Variants in CNTLN observed in about 807,000 individuals in gnomAD.
CNTLN encodes the protein centlein.
A neutral mutation model predicts 180.0 loss-of-function variants in CNTLN; 212 were observed. The observed-to-expected ratio is 1.18, with a 90% CI of 1.05 to 1.32. The LOEUF (loss-of-function observed/expected upper bound fraction) is 1.32, where lower values mean the gene tolerates loss of function less well. Among genes scored for constraint, CNTLN ranks in the 40% most tolerant of loss-of-function variants. The pLI is 0.00. For missense variants in CNTLN, 2,095 were observed against 1,610.9 expected, an observed-to-expected ratio of 1.30 and a Z score of -5.14; for synonymous variants, 722 against 563.1, an observed-to-expected ratio of 1.28 and a Z score of -3.99.
intron 18 of CNTLN, among the ~76,000 whole-genome samples, chr9:17,421,774 A>G (rs995848577): frequency 6.6e-6 from 1 of 152,128 alleles, no homozygotes; most frequent in Non-Finnish European, 1.5e-5. Context: ...TCTGCAAATA[A>G]TGCTTTGTAA....
the CNTLN span, among the ~76,000 whole-genome samples, chr9:17,526,215 G>A: frequency 1.3e-5 from 2 of 152,182 alleles, no homozygotes; most frequent in African/African-American, 2.4e-5. Flanking sequence ...GATTACAGGC[G>A]TGAGCCACCG....
chr9:17,152,199 C>A lies in CNTLN; in HGVS notation c.449+8823C>A, dbSNP rs577653951. 3.6e-4 allele frequency among the ~76,000 whole-genome samples: 55 copies of A among 152,092 alleles called. 1 individual carries two copies. Among genetic ancestry groups the A allele is most frequent in the Non-Finnish European group, 4.6e-4 (31 of 68,020 alleles). On this transcript the variant is annotated intron_variant, in intron 2 of 25. Transcript: ENST00000380647. ...GATCTTAGTTATTTCTTGTCTTCTG[C>A]TAGCTTTTGAATTTGTTTGCTGTTG...
At chr9:17,459,591 A>G (rs1320920216) in intron 19 of CNTLN, among the ~76,000 whole-genome samples, 1 of 151,884 alleles carries the variant, frequency 6.6e-6, no homozygotes, top group African/African-American at 2.4e-5. Context: ...CCGTAACAAA[A>G]TACCACAGAC....
At chr9:17,265,422 G>A (rs1376184321) in intron 5 of CNTLN, among the ~76,000 whole-genome samples, 1 of 152,128 alleles carries the variant, frequency 6.6e-6, no homozygotes, top group Non-Finnish European at 1.5e-5. Flanking sequence ...GCTTTTTGAT[G>A]TGCTGCTGGA....
chr9:17,176,116 T>C (rs115452285), intron 2 of CNTLN, among the ~76,000 whole-genome samples: 2,915 of 152,214 alleles, frequency 0.019, 61 homozygotes, highest in African/African-American at 0.05. Context: ...CCTTATTGTG[T>C]TGGCTATATT....
chr9:17,267,791 A>C (rs567885590), intron 5 of CNTLN, among the ~76,000 whole-genome samples: 3 of 151,906 alleles, frequency 2.0e-5, no homozygotes, highest in Non-Finnish European at 4.4e-5. Context: ...CATTCATTTC[A>C]TCTTCCATCA....
intron 5 of CNTLN, among the ~76,000 whole-genome samples, chr9:17,239,679 T>C (rs1293765417): frequency 6.6e-6 from 1 of 152,174 alleles, no homozygotes; most frequent in Non-Finnish European, 1.5e-5. Context: ...TGTCATGCTT[T>C]TGTATGTGTT....
intron 13 of CNTLN, among the ~76,000 whole-genome samples, chr9:17,384,566 T>C (rs1161418179): frequency 1.3e-5 from 2 of 152,164 alleles, no homozygotes; most frequent in Non-Finnish European, 2.9e-5. Flanking sequence ...ACAGGATTTA[T>C]TTCTTGCCAT....
intron 5 of CNTLN, among the ~76,000 whole-genome samples, chr9:17,270,475 T>C (rs1359961745): frequency 6.6e-6 from 1 of 152,192 alleles, no homozygotes; most frequent in Non-Finnish European, 1.5e-5. Flanking sequence ...CTCAATAAAT[T>C]ACCCAAATCT....
In CNTLN at chr9:17,484,380, C is replaced by T. The variant is rs773093657; in HGVS notation, c.3941C>T (p.Ala1314Val). 1.9e-6 allele frequency: 3 copies of T among 1,612,686 alleles called. No homozygotes were observed. Among genetic ancestry groups the T allele is most frequent in the South Asian group, 1.1e-5 (1 of 90,884 alleles). Residue 1314 changes from alanine to valine, a missense_variant, in exon 24 of 26, where the codon GCC (alanine) becomes GTC (valine). By Grantham distance (64) the Ala-to-Val change is moderately conservative. Transcript: ENST00000380647. Reference sequence around the variant, plus strand: ...AAAAAAATGAAGAAAAACAGGGACGCCTGTAAAACCTCAACCCATAAAGCC... The same window carrying T: ...AAAAAAATGAAGAAAAACAGGGACGTCTGTAAAACCTCAACCCATAAAGCC... ...ELKKMKKNRD[A>V]CKTSTHKAQT...
intron 8 of CNTLN, among the ~76,000 whole-genome samples, chr9:17,320,053 C>T (rs1819800908): frequency 6.6e-6 from 1 of 152,170 alleles, no homozygotes; most frequent in Admixed American, 6.5e-5. Context: ...GGAGGAATAT[C>T]TTGCAGTAGA....
chr9:17,342,434 A>G lies in CNTLN; in HGVS notation c.1876A>G (p.Met626Val), dbSNP rs771913320. Residue 626 changes from methionine to valine, a missense_variant, in exon 12 of 26, where the codon ATG (methionine) becomes GTG (valine). Coordinates refer to ENST00000380647, the MANE Select transcript of CNTLN (RefSeq NM_017738.4). ...AYFKRENQEL[M>V]IQKMNLEEEL... ...TTTCAAAAGGGAAAACCAGGAGCTA[A>G]TGATTCAAAAGTGAGTTTCATTTTT... is the stretch of plus-strand genomic sequence containing the variant. The G allele has an allele frequency of 1.2e-6, 2 of 1,600,446 alleles. No homozygotes were observed. Among genetic ancestry groups the G allele is most frequent in the East Asian group, 2.2e-5 (1 of 44,564 alleles).
intron 15 of CNTLN, among the ~76,000 whole-genome samples, chr9:17,403,336 T>A (rs1827130332): frequency 6.6e-6 from 1 of 151,816 alleles, no homozygotes; most frequent in Admixed American, 6.6e-5. Context: ...TCTTCCAATT[T>A]TTCCTTGCAA....
intron 14 of CNTLN, among the ~76,000 whole-genome samples, chr9:17,388,848 T>C (rs1825885057): frequency 1.3e-5 from 2 of 151,858 alleles, no homozygotes; most frequent in African/African-American, 2.4e-5. Context: ...AAAATATTAA[T>C]ATTTACCTTT....
intron 13 of CNTLN, among the ~76,000 whole-genome samples, chr9:17,369,854 G>C (rs1195496625): frequency 1.3e-5 from 2 of 151,884 alleles, no homozygotes; most frequent in African/African-American, 4.8e-5. Flanking sequence ...AGGCATGGTG[G>C]CACATGCCGG....
intron 12 of CNTLN, among the ~76,000 whole-genome samples, chr9:17,355,990 G>T (rs925163855): frequency 1.1e-4 from 16 of 151,584 alleles, no homozygotes; most frequent in African/African-American, 3.9e-4. Flanking sequence ...TGTGAAACTG[G>T]GAGGTGGAGC....
At chr9:17,422,506 G>A (rs988742048) in intron 18 of CNTLN, among the ~76,000 whole-genome samples, 1 of 152,018 alleles carries the variant, frequency 6.6e-6, no homozygotes, top group East Asian at 1.9e-4. Flanking sequence ...ACTCTAATGC[G>A]TTTTTCAGTT....
intron 2 of CNTLN, among the ~76,000 whole-genome samples, chr9:17,209,588 T>G (rs912968485): frequency 1.3e-5 from 2 of 152,204 alleles, no homozygotes; most frequent in African/African-American, 4.8e-5. Flanking sequence ...CTCTATATGT[T>G]TGGGTTCTCC....
intron 5 of CNTLN, among the ~76,000 whole-genome samples, chr9:17,269,806 A>C (rs1055043763): frequency 1.3e-5 from 2 of 152,004 alleles, no homozygotes; most frequent in African/African-American, 4.8e-5. Flanking sequence ...CCTCTATTTC[A>C]TTATTTTGGT....
Sources: gnomAD v4.1 joint callset for allele counts (sites outside exome capture counted in the v4.1 genomes callset) on GRCh38, gnomAD v4.1.1 for gene constraint, MANE v1.5 for transcripts, NCBI Gene and HGNC (gene_info 2026-07-23, HGNC 2026-07-21) for gene names.